The following MYF5 variants were observed in gnomAD, a reference collection of about 807,000 sequenced individuals.
The protein encoded by MYF5 is myogenic factor 5, also known as class C basic helix-loop-helix protein 2.
MYF5 carries 20 observed loss-of-function variants against 22.3 expected under a neutral mutation model. The ratio of observed to expected loss-of-function variants is 0.90; its 90% CI spans 0.63 to 1.30. MYF5 has a LOEUF of 1.30. Among genes scored for constraint, MYF5 ranks in the 50% most tolerant of loss-of-function variants. The pLI, the probability that MYF5 is intolerant of heterozygous loss-of-function variation, is 0.00. For missense variants in MYF5, 348 were observed against 325.9 expected, an observed-to-expected ratio of 1.07 and a Z score of -0.52; for synonymous variants, 141 against 128.4, an observed-to-expected ratio of 1.10 and a Z score of -0.66.
rs754442432 is a variant in MYF5, at chr12:80,718,441, T to C, written c.577+8T>C. The stretch of plus-strand genomic sequence containing the variant: ...GTCCTGATGTATCAAATGGTAAGAA[T>C]TGATAACTTCACAGGAGTTTAAAGA... On this transcript the variant is annotated splice_region_variant and intron_variant, in intron 2 of 2. Coordinates refer to ENST00000228644, the MANE Select transcript of MYF5 (RefSeq NM_005593.3). 3 of 1,606,112 alleles carry C rather than the reference T, an allele frequency of 1.9e-6. No homozygotes were observed. The highest frequency in any genetic ancestry group is 1.3e-5 in the African/African-American group (1 of 74,716).
Position 80,718,919 on chromosome 12 carries a change from C to T in MYF5, c.636C>T (p.Asp212=). 1 of 1,614,088 alleles carries T rather than the reference C, an allele frequency of 6.2e-7. No individual in the cohort carries two copies. The highest frequency in any genetic ancestry group is 1.3e-5 in the African/African-American group (1 of 75,038). The change falls in exon 3 of 3, where the codon GAC becomes GAT. Residue 212 remains aspartate, a synonymous_variant. Coordinates refer to ENST00000228644, the MANE Select transcript of MYF5 (RefSeq NM_005593.3). The part of the protein sequence containing the change: ...SSLDCLSNIV[D]RITSSEQPGL... ...TGGATTGCTTATCCAACATAGTGGA[C>T]CGGATCACCTCCTCAGAGCAACCTG... is the stretch of plus-strand genomic sequence containing the variant.
Position 80,719,044 on chromosome 12 carries a change from T to C in MYF5, c.761T>C (p.Val254Ala). ...TCTAGTTCCAGGCTTATCTATCATG[T>C]GCTATGAACTAATTTTCTGGTCTAT... The part of the protein sequence containing the change: ...GASSSRLIYH[V>A]L Residue 254 changes from valine to alanine, a missense_variant, in exon 3 of 3, where the codon GTG (valine) becomes GCG (alanine). Transcript: ENST00000228644. 6.2e-7 allele frequency: 1 copy of C among 1,613,690 alleles called. No homozygotes were observed. The highest frequency in any genetic ancestry group is 1.3e-5 in the African/African-American group (1 of 74,974).
In MYF5 at chr12:80,717,146, T is replaced by G. The variant is rs761299418; in HGVS notation, c.83T>G (p.Phe28Cys). 1.2e-6 allele frequency: 2 copies of G among 1,613,750 alleles called. No individual in the cohort carries two copies. The highest frequency in any genetic ancestry group is 1.3e-5 in the African/African-American group (1 of 74,904). Residue 28 changes from phenylalanine to cysteine, a missense_variant, in exon 1 of 3, where the codon TTT becomes TGT. Physicochemically the swap from Phe to Cys is radical, Grantham distance 205 (BLOSUM62 -2). Coordinates refer to ENST00000228644, the MANE Select transcript of MYF5 (RefSeq NM_005593.3). ...GSCIPSPEGE[F>C]GDEFVPRVAA... ...TGCATACCGTCCCCCGAGGGTGAAT[T>G]TGGGGACGAGTTTGTGCCGCGAGTG...
intron 1 of MYF5, 82 bp downstream of exon 1, chr12:80,717,646 G>C: frequency 1.3e-6 from 2 of 1,509,822 alleles, no homozygotes; most frequent in Non-Finnish European, 1.8e-6. Flanking sequence ...GTGTGGTGGG[G>C]AGAGTGGGGT....
At position 80,717,302 on chromosome 12, in the gene MYF5, C is replaced by T. The variant is rs1868627549; in HGVS notation, c.239C>T (p.Thr80Ile). Reference sequence around the variant, plus strand: ...TGCAAAGCCTGCAAGAGGAAGTCCACCACCATGGATCGGCGGAAGGCAGCC... The same window carrying T: ...TGCAAAGCCTGCAAGAGGAAGTCCATCACCATGGATCGGCGGAAGGCAGCC... ...WACKACKRKSTTMDRRKAATM... is the reference protein window; with the variant it reads ...WACKACKRKSITMDRRKAATM... Residue 80 changes from threonine to isoleucine, a missense_variant, in exon 1 of 3, where the codon ACC (threonine) becomes ATC (isoleucine). Physicochemically the swap from Thr to Ile is moderately conservative, Grantham distance 89. Transcript: ENST00000228644. The T allele has an allele frequency of 3.1e-6, 5 of 1,614,060 alleles. No individual in the cohort carries two copies. Among genetic ancestry groups the T allele is most frequent in the Non-Finnish European group, 4.2e-6 (5 of 1,180,022 alleles).
chr12:80,718,425 T>C lies in MYF5; in HGVS notation c.569T>C (p.Val190Ala). The part of the protein sequence containing the change: ...STFDSIYCPD[V>A]SNVYATDKNS... ...TTTGACAGCATCTACTGTCCTGATG[T>C]ATCAAATGGTAAGAATTGATAACTT... The change falls in exon 2 of 3, where the codon GTA becomes GCA. Residue 190 changes from valine to alanine, a missense_variant. Physicochemically the swap from Val to Ala is moderately conservative, Grantham distance 64. Coordinates refer to ENST00000228644, the MANE Select transcript of MYF5 (RefSeq NM_005593.3). The C allele has an allele frequency of 6.2e-7, 1 of 1,611,552 alleles. No individual in the cohort carries two copies. The highest frequency in any genetic ancestry group is 8.5e-7 in the Non-Finnish European group (1 of 1,177,618).
chr12:80,717,047 G>T lies in MYF5; in HGVS notation c.-17G>T. The T allele has an allele frequency of 6.3e-7, 1 of 1,581,526 alleles. No individual in the cohort carries two copies. The highest frequency in any genetic ancestry group is 1.7e-4 in the Middle Eastern group (1 of 5,948). ...CCTCTCGCTGCCGTCCAGGTGCACC[G>T]CCTGCCTCTCAGCAGGATGGACGTG... On this transcript the variant is annotated 5_prime_UTR_variant, in exon 1 of 3. Transcript: ENST00000228644.
chr12:80,719,129 C>A lies in MYF5; in HGVS notation c.*78C>A. 8.4e-7 allele frequency: 1 copy of A among 1,195,008 alleles called. No individual in the cohort carries two copies. Among genetic ancestry groups the A allele is most frequent in the South Asian group, 1.6e-5 (1 of 62,514 alleles). The allele number at this position is 1,195,008 out of a possible 1,614,324, so 74.0% of individuals were successfully genotyped here. On this transcript the variant is annotated 3_prime_UTR_variant, in exon 3 of 3. Coordinates refer to ENST00000228644, the MANE Select transcript of MYF5 (RefSeq NM_005593.3). ...GAAGAAGGCTTCAAAAAGTCCCAAA[C>A]CAAGACAACATGTACATAAAGATTT...
At position 80,717,648 on chromosome 12, in the gene MYF5, G is replaced by T; in HGVS notation, c.501+84G>T. The T allele has an allele frequency of 4.0e-6, 6 of 1,489,324 alleles. No individual in the cohort carries two copies. In the South Asian group the frequency reaches 7.9e-5, roughly 20 times the overall value. The allele number at this position is 1,489,324 out of a possible 1,614,324, so 92.3% of individuals were successfully genotyped here. On this transcript the variant is annotated intron_variant, in intron 1 of 2. Coordinates refer to ENST00000228644, the MANE Select transcript of MYF5 (RefSeq NM_005593.3). ...CTCATTTAACCTGGTGTGGTGGGGA[G>T]AGTGGGGTGGAGGCAGATGCTGAGT...
In MYF5 at chr12:80,719,316, G is replaced by T. The variant is rs1018748043; in HGVS notation, c.*265G>T. The T allele has an allele frequency of 1.9e-5, 4 of 212,334 alleles. No individual in the cohort carries two copies. Among genetic ancestry groups the T allele is most frequent in the Non-Finnish European group, 3.7e-5 (4 of 107,134 alleles). 13.2% of individuals were successfully genotyped at this position (212,334 alleles called of 1,614,324 possible). A position where few individuals can be genotyped will look rare whatever the true frequency, so the allele number is the denominator to read the frequency against. Reference sequence around the variant, plus strand: ...ATACTATTTCTGATAGGGGGCCATTGATTGAGGGTAGCTTGTTGCAATGCT... The same window carrying T: ...ATACTATTTCTGATAGGGGGCCATTTATTGAGGGTAGCTTGTTGCAATGCT... On this transcript the variant is annotated 3_prime_UTR_variant, in exon 3 of 3. Transcript: ENST00000228644.
chr12:80,718,916 G>A lies in MYF5; in HGVS notation c.633G>A (p.Val211=). 1.2e-6 allele frequency: 2 copies of A among 1,614,016 alleles called. No homozygotes were observed. Among genetic ancestry groups the A allele is most frequent in the Non-Finnish European group, 1.7e-6 (2 of 1,179,990 alleles). Residue 211 remains valine (V), a synonymous_variant, in exon 3 of 3, where the codon GTG becomes GTA. Transcript: ENST00000228644. The stretch of plus-strand genomic sequence containing the variant: ...GCTTGGATTGCTTATCCAACATAGT[G>A]GACCGGATCACCTCCTCAGAGCAAC... ...LSSLDCLSNI[V]DRITSSEQPG...
At chr12:80,718,317 A>G in intron 1 of MYF5, 41 bp from the exon 2 acceptor site, 3 of 1,566,716 alleles carry the variant, frequency 1.9e-6, no homozygotes, top group Non-Finnish European at 2.6e-6. Flanking sequence ...ATCTTTTGCC[A>G]AGACCTGAAA....
Position 80,717,223 on chromosome 12 carries a change from C to G in MYF5, c.160C>G (p.His54Asp). 4.3e-6 allele frequency: 7 copies of G among 1,614,078 alleles called. No individual in the cohort carries two copies. Among genetic ancestry groups the G allele is most frequent in the Non-Finnish European group, 5.9e-6 (7 of 1,180,040 alleles). The change falls in exon 1 of 3, where the codon CAC (histidine) becomes GAC (aspartate). Residue 54 changes from histidine (H) to aspartate (D), a missense_variant. Physicochemically the swap from His to Asp is moderately conservative, Grantham distance 81. Coordinates refer to ENST00000228644, the MANE Select transcript of MYF5 (RefSeq NM_005593.3). ...GCTGCAGGGCTCAGATGAGGACGAG[C>G]ACGTGCGAGCGCCTACCGGCCACCA... Reference protein sequence around the residue: ...AELQGSDEDEHVRAPTGHHQA... With the variant: ...AELQGSDEDEDVRAPTGHHQA...
chr12:80,716,989 G>C lies in MYF5; in HGVS notation c.-75G>C, dbSNP rs1489278647. On this transcript the variant is annotated 5_prime_UTR_variant, in exon 1 of 3. Transcript: ENST00000228644. ...GAGCTCCGCCCGGGATTTGCCCATCGGCGGAGGCGCCAGGCTCCCGTTTCT... is the reference window on the plus strand; with the variant it reads ...GAGCTCCGCCCGGGATTTGCCCATCCGCGGAGGCGCCAGGCTCCCGTTTCT... 2 of 1,523,892 alleles carry C rather than the reference G, an allele frequency of 1.3e-6. No individual in the cohort carries two copies. The highest frequency in any genetic ancestry group is 1.4e-5 in the African/African-American group (1 of 73,020). The allele number at this position is 1,523,892 out of a possible 1,614,324, so 94.4% of individuals were successfully genotyped here. A position where few individuals can be genotyped will look rare whatever the true frequency, so the allele number is the denominator to read the frequency against.
chr12:80,718,477 C>T (rs922704251), intron 2 of MYF5, 44 bp downstream of exon 2: 3 of 1,449,292 alleles, frequency 2.1e-6, no homozygotes, highest in African/African-American at 2.8e-5. Context: ...CCAGTTCAAC[C>T]TAACAATTCA....
chr12:80,718,442 T>G lies in MYF5; in HGVS notation c.577+9T>G. On this transcript the variant is annotated intron_variant, in intron 2 of 2. Transcript: ENST00000228644. ...TCCTGATGTATCAAATGGTAAGAAT[T>G]GATAACTTCACAGGAGTTTAAAGAC... 1 of 1,605,024 alleles carries G rather than the reference T, an allele frequency of 6.2e-7. No individual in the cohort carries two copies. Among genetic ancestry groups the G allele is most frequent in the South Asian group, 1.1e-5 (1 of 90,884 alleles).
At position 80,717,005 on chromosome 12, in the gene MYF5, TC is replaced by T; in HGVS notation, c.-56del. 5 of 1,537,684 alleles carry T rather than the reference TC, an allele frequency of 3.3e-6. No individual in the cohort carries two copies. The highest frequency in any genetic ancestry group is 4.4e-6 in the Non-Finnish European group (5 of 1,145,422). On this transcript the variant is annotated 5_prime_UTR_variant, in exon 1 of 3. Transcript: ENST00000228644. ...TTGCCCATCGGCGGAGGCGCCAGGCTCCCGTTTCTCCCCATCCCTCTCGCTG... is the reference window on the plus strand; with the variant it reads ...TTGCCCATCGGCGGAGGCGCCAGGCTCCGTTTCTCCCCATCCCTCTCGCTG...
rs1209208479 is a variant in MYF5, at chr12:80,717,347, G to T, written c.284G>T (p.Arg95Leu). Residue 95 changes from arginine to leucine, a missense_variant, in exon 1 of 3, where the codon CGC becomes CTC. Physicochemically the swap from Arg to Leu is moderately radical, Grantham distance 102. Transcript: ENST00000228644. ...RKAATMRERR[R>L]LKKVNQAFET... ...GCAGCCACTATGCGCGAGCGGAGGC[G>T]CCTGAAGAAGGTCAACCAGGCTTTC... The T allele has an allele frequency of 1.2e-6, 2 of 1,614,058 alleles. No homozygotes were observed. Among genetic ancestry groups the T allele is most frequent in the African/African-American group, 1.3e-5 (1 of 74,932 alleles).
chr12:80,719,454 T>C lies in MYF5; in HGVS notation c.*403T>C, dbSNP rs1345077577. The C allele has an allele frequency of 6.6e-6, 1 of 151,834 alleles. No homozygotes were observed. Among genetic ancestry groups the C allele is most frequent in the Non-Finnish European group, 1.5e-5 (1 of 67,940 alleles). The allele number at this position is 151,834 out of a possible 1,614,324, so 9.4% of individuals were successfully genotyped here. A position where few individuals can be genotyped will look rare whatever the true frequency, so the allele number is the denominator to read the frequency against. Reference sequence around the variant, plus strand: ...TTAAAACAGCTGAGAATCAGTTAAATGGAATTTTAAATATATTTAACTATT... The same window carrying C: ...TTAAAACAGCTGAGAATCAGTTAAACGGAATTTTAAATATATTTAACTATT... On this transcript the variant is annotated 3_prime_UTR_variant, in exon 3 of 3. Coordinates refer to ENST00000228644, the MANE Select transcript of MYF5 (RefSeq NM_005593.3).
Sources: allele counts gnomAD v4.1 joint callset, GRCh38; gene constraint gnomAD v4.1.1; transcripts MANE v1.5; gene names NCBI Gene and HGNC (gene_info 2026-07-23, HGNC 2026-07-21).